SHISA9: variants seen among roughly 807,000 people sequenced by gnomAD.
SHISA9 encodes the protein shisa family member 9, also known as protein shisa-9.
Under a neutral mutation model 38.0 loss-of-function variants are expected in SHISA9, and 13 were observed. That is an observed-to-expected ratio of 0.34 (90% CI 0.22 to 0.54). The LOEUF is 0.54. Among genes scored for constraint, SHISA9 ranks in the 20% least tolerant of loss-of-function variants. SHISA9 has a pLI of 0.91. For missense variants in SHISA9, 538 were observed against 575.8 expected, an observed-to-expected ratio of 0.93 and a Z score of 0.67; for synonymous variants, 275 against 242.0, an observed-to-expected ratio of 1.14 and a Z score of -1.27.
At chr16:13,457,984 CCTTT>C in the SHISA9 span, among the ~76,000 whole-genome samples, 28 of 152,126 alleles carry the variant, frequency 1.8e-4, no homozygotes, top group South Asian at 5.8e-3. Context: ...TTCCTTCCTT[CCTTT>C]CTTCCTTCCT....
At chr16:13,428,776 T>TTTG in the SHISA9 span, among the ~76,000 whole-genome samples, 1 of 150,672 alleles carries the variant, frequency 6.6e-6, no homozygotes, top group African/African-American at 2.4e-5. Context: ...TTTTATTGTT[T>TTTG]TTTTTTTTTT....
At chr16:13,463,372 C>T in the SHISA9 span, among the ~76,000 whole-genome samples, 4 of 152,154 alleles carry the variant, frequency 2.6e-5, no homozygotes, top group African/African-American at 7.2e-5. Context: ...ATCAGCAGTA[C>T]TTGGAGAAAG....
chr16:13,436,594 AC>A, the SHISA9 span, among the ~76,000 whole-genome samples: 1 of 152,144 alleles, frequency 6.6e-6, no homozygotes, highest in Non-Finnish European at 1.5e-5. Flanking sequence ...TTATTCCTTT[AC>A]TTTCTTAATA....
the SHISA9 span, among the ~76,000 whole-genome samples, chr16:13,278,537 A>G: frequency 1.3e-5 from 2 of 152,118 alleles, no homozygotes; most frequent in African/African-American, 2.4e-5. Flanking sequence ...CTGTGAATCC[A>G]TCTGGTCCCG....
intron 2 of SHISA9, among the ~76,000 whole-genome samples, chr16:13,156,403 C>A (rs1026131132): frequency 6.6e-6 from 1 of 152,150 alleles, no homozygotes; most frequent in Non-Finnish European, 1.5e-5. Flanking sequence ...ACAATCCTGC[C>A]AACACTCATT....
At chr16:13,102,922 A>T (rs958444078) in intron 2 of SHISA9, among the ~76,000 whole-genome samples, 3 of 152,230 alleles carry the variant, frequency 2.0e-5, no homozygotes, top group African/African-American at 7.2e-5. Context: ...AGACAAGTTC[A>T]TGGGTTGGCA....
At chr16:13,547,642 A>AG in the SHISA9 span, among the ~76,000 whole-genome samples, 42 of 152,310 alleles carry the variant, frequency 2.8e-4, no homozygotes, top group African/African-American at 9.9e-4. Context: ...CACATTGATA[A>AG]GGGGGGATAT....
At chr16:13,225,962 G>T (rs1373234318) in intron 4 of SHISA9, among the ~76,000 whole-genome samples, 1 of 152,198 alleles carries the variant, frequency 6.6e-6, no homozygotes, top group Non-Finnish European at 1.5e-5. Flanking sequence ...GGCCAGTGTT[G>T]TTGAAAGGCT....
At chr16:13,226,587 C>G (rs1246030190) in intron 4 of SHISA9, among the ~76,000 whole-genome samples, 3 of 152,200 alleles carry the variant, frequency 2.0e-5, no homozygotes, top group Non-Finnish European at 4.4e-5. Flanking sequence ...TGCTGCATAA[C>G]AAATGACTCC....
intron 2 of SHISA9, among the ~76,000 whole-genome samples, chr16:13,001,370 C>G (rs1377279308): frequency 9.9e-5 from 15 of 151,642 alleles, no homozygotes; most frequent in Non-Finnish European, 1.8e-4. Context: ...ATTCCACTGA[C>G]TAAGGATCGG....
chr16:13,561,136 G>A, the SHISA9 span, among the ~76,000 whole-genome samples: 4 of 152,132 alleles, frequency 2.6e-5, no homozygotes, highest in African/African-American at 4.8e-5. Flanking sequence ...CATAGTGCTG[G>A]GATTAAAAGC....
the SHISA9 span, among the ~76,000 whole-genome samples, chr16:13,367,137 G>T: frequency 6.6e-6 from 1 of 151,750 alleles, no homozygotes; most frequent in East Asian, 1.9e-4. Context: ...CTTAAACTCA[G>T]TAATTAAACC....
At chr16:12,920,438 A>C (rs530469931) in intron 2 of SHISA9, among the ~76,000 whole-genome samples, 10 of 152,348 alleles carry the variant, frequency 6.6e-5, no homozygotes, top group African/African-American at 2.4e-4. Context: ...ATAGCACAAC[A>C]GGGTGACTAT....
At chr16:13,389,678 G>T in the SHISA9 span, among the ~76,000 whole-genome samples, 1 of 152,056 alleles carries the variant, frequency 6.6e-6, no homozygotes, top group African/African-American at 2.4e-5. Context: ...ACTCAAACAG[G>T]TCCTCTGATT....
At chr16:13,266,418 G>C in the SHISA9 span, among the ~76,000 whole-genome samples, 1 of 152,048 alleles carries the variant, frequency 6.6e-6, no homozygotes, top group Non-Finnish European at 1.5e-5. Context: ...CTGTCTCTAA[G>C]AGCCTGGAGT....
At chr16:13,311,125 G>A in the SHISA9 span, among the ~76,000 whole-genome samples, 4 of 152,000 alleles carry the variant, frequency 2.6e-5, no homozygotes, top group African/African-American at 7.3e-5. Flanking sequence ...TCTGTCTCTC[G>A]TTTCTGCTTC....
chr16:13,089,813 C>T (rs1200286597), intron 2 of SHISA9, among the ~76,000 whole-genome samples: 1 of 152,088 alleles, frequency 6.6e-6, no homozygotes, highest in Non-Finnish European at 1.5e-5. Flanking sequence ...CAGTTCTGCT[C>T]TGATCTTAAT....
Position 13,239,608 on chromosome 16 carries a change from T to G in SHISA9, c.*4199T>G, listed in dbSNP as rs1423108059. The G allele has an allele frequency of 6.6e-6, 1 of 152,244 alleles. No individual in the cohort carries two copies. Among genetic ancestry groups the G allele is most frequent in the Non-Finnish European group, 1.5e-5 (1 of 68,046 alleles). 9.4% of individuals were successfully genotyped at this position (152,244 alleles called of 1,614,324 possible). On this transcript the variant is annotated 3_prime_UTR_variant, in exon 5 of 5. Coordinates refer to ENST00000558583, the MANE Select transcript of SHISA9 (RefSeq NM_001145204.3). ...GCCAGTGATGATGAGCATTTTTTCATGTGTCTTTTGACTGCATAAATGTCT... is the reference window on the plus strand; with the variant it reads ...GCCAGTGATGATGAGCATTTTTTCAGGTGTCTTTTGACTGCATAAATGTCT...
chr16:12,924,063 G>C (rs79885728), intron 2 of SHISA9, among the ~76,000 whole-genome samples: 3 of 150,500 alleles, frequency 2.0e-5, no homozygotes, highest in African/African-American at 7.3e-5. Context: ...GAGAGAGAGA[G>C]AATATGAGTG....
Sources: allele counts gnomAD v4.1 joint callset (sites outside exome capture counted in the v4.1 genomes callset), GRCh38; gene constraint gnomAD v4.1.1; transcripts MANE v1.5; gene names NCBI Gene and HGNC (gene_info 2026-07-23, HGNC 2026-07-21).